ZNF503: variants seen among roughly 807,000 people sequenced by gnomAD.
The protein encoded by ZNF503 is NocA-like zinc finger 2.
In ZNF503, 15 loss-of-function variants were observed where a neutral mutation model predicts 34.4. That is an observed-to-expected ratio of 0.44 (90% confidence interval 0.29 to 0.67). The LOEUF (loss-of-function observed/expected upper bound fraction) is 0.67, where lower values mean the gene tolerates loss of function less well. Ranked by LOEUF, ZNF503 falls within the 30% of genes least tolerant of loss-of-function variation. The pLI is 0.13. For missense variants in ZNF503, 1,007 were observed against 926.8 expected (o/e 1.09, Z -1.12); for synonymous variants, 580 against 456.8 (o/e 1.27, Z -3.44).
chr10:75,369,933 G>A, the ZNF503 span, among the ~76,000 whole-genome samples: 1 of 152,060 alleles, frequency 6.6e-6, no homozygotes, highest in African/African-American at 2.4e-5. Flanking sequence ...CTTGCGTGGT[G>A]GTGTGTGCCT....
the ZNF503 span, among the ~76,000 whole-genome samples, chr10:75,390,580 C>G: frequency 6.6e-6 from 1 of 152,110 alleles, no homozygotes; most frequent in Non-Finnish European, 1.5e-5. Flanking sequence ...CTGAGGGCTT[C>G]TCCAGTAGCA....
At chr10:75,386,287 GGGGACAAAGGAGCTCCAAGAT>G in the ZNF503 span, among the ~76,000 whole-genome samples, 1 of 152,184 alleles carries the variant, frequency 6.6e-6, no homozygotes, top group Admixed American at 6.5e-5. Flanking sequence ...CAATATCCTA[GGGGACAAAGGAGCTCCAAGAT>G]GGAAAGAATC....
the ZNF503 span, among the ~76,000 whole-genome samples, chr10:75,330,444 G>C: frequency 6.6e-6 from 1 of 152,114 alleles, no homozygotes; most frequent in Non-Finnish European, 1.5e-5. Context: ...CTTCTTTACA[G>C]GTTTGGTAGA....
At chr10:75,332,236 T>C in the ZNF503 span, among the ~76,000 whole-genome samples, 10 of 152,108 alleles carry the variant, frequency 6.6e-5, no homozygotes, top group African/African-American at 2.2e-4. Context: ...ACTTTTGCTC[T>C]ATTTTCTCTC....
In ZNF503 at chr10:75,400,160, G is replaced by T; in HGVS notation, c.530C>A (p.Pro177Gln). The T allele has an allele frequency of 6.4e-7, 1 of 1,563,676 alleles. No homozygotes were observed. The highest frequency in any genetic ancestry group is 1.2e-5 in the South Asian group (1 of 85,282). The change falls in exon 2 of 2, where the codon CCG becomes CAG. Residue 177 changes from proline (P) to glutamine (Q), a missense_variant. Physicochemically the swap from Pro to Gln is moderately conservative, Grantham distance 76. Coordinates refer to ENST00000372524, the MANE Select transcript of ZNF503 (RefSeq NM_032772.6). Reference sequence around the variant, plus strand: ...CTTATCCGAGCCGGGTTTGGAGTACGGCTTGAAACTCGACTTGTCCTCCAC... The same window carrying T: ...CTTATCCGAGCCGGGTTTGGAGTACTGCTTGAAACTCGACTTGTCCTCCAC... ...IGVEDKSSFK[P>Q]YSKPGSDKKE...
chr10:75,329,408 T>TC, the ZNF503 span, among the ~76,000 whole-genome samples: 1 of 66,908 alleles, frequency 1.5e-5, no homozygotes, highest in African/African-American at 5.5e-5. Flanking sequence ...CTTCCTTCCT[T>TC]CCTTCCTTTC....
chr10:75,382,336 G>A, the ZNF503 span: 1 of 267,120 alleles, frequency 3.7e-6, no homozygotes, highest in African/African-American at 2.3e-5. Context: ...ACAACAACAA[G>A]GCTGATGGAT....
chr10:75,399,279 G>C lies in ZNF503; in HGVS notation c.1411C>G (p.Pro471Ala). 7 of 1,601,340 alleles carry C rather than the reference G, an allele frequency of 4.4e-6. No homozygotes were observed. Among genetic ancestry groups the C allele is most frequent in the African/African-American group, 1.3e-5 (1 of 74,782 alleles). ...TGCACACCGTGCAGCGGGTGCGTGG[G>C]GTACACCAGCGGGTATCCGGACTTC... ...ALKSGYPLVY[P>A]THPLHGVHSS... Residue 471 changes from proline (P) to alanine (A), a missense_variant, in exon 2 of 2, where the codon CCC becomes GCC. Physicochemically the swap from Pro to Ala is conservative, Grantham distance 27. Transcript: ENST00000372524.
chr10:75,390,477 C>T, the ZNF503 span, among the ~76,000 whole-genome samples: 2 of 151,452 alleles, frequency 1.3e-5, no homozygotes. Context: ...CCTCCTCTTC[C>T]TCCTCAGGGC....
chr10:75,400,281 C>T lies in ZNF503; in HGVS notation c.409G>A (p.Val137Ile). 6.2e-7 allele frequency: 1 copy of T among 1,613,410 alleles called. No individual in the cohort carries two copies. Among genetic ancestry groups the T allele is most frequent in the Non-Finnish European group, 8.5e-7 (1 of 1,179,818 alleles). ...DPSPSSKLSS[V>I]ASNGGGAGGA... is the part of the protein sequence containing the mutation. The stretch of plus-strand genomic sequence containing the variant: ...CCCGCGCCGCCCCCGTTGGAGGCAA[C>T]CGAGGAGAGTTTGGAGGAGGGCGAG... Residue 137 changes from valine (V) to isoleucine (I), a missense_variant, in exon 2 of 2, where the codon GTT becomes ATT. Physicochemically the swap from Val to Ile is conservative, Grantham distance 29 (BLOSUM62 3). Transcript: ENST00000372524.
At chr10:75,303,557 C>T in the ZNF503 span, among the ~76,000 whole-genome samples, 1 of 152,208 alleles carries the variant, frequency 6.6e-6, no homozygotes, top group African/African-American at 2.4e-5. Flanking sequence ...CTGTCCTGGC[C>T]CTGCTCCTGA....
the ZNF503 span, among the ~76,000 whole-genome samples, chr10:75,374,760 A>G: frequency 6.6e-6 from 1 of 152,238 alleles, no homozygotes; most frequent in African/African-American, 2.4e-5. Flanking sequence ...TACATGCACA[A>G]TATGTTTTGT....
At chr10:75,363,761 C>T in the ZNF503 span, among the ~76,000 whole-genome samples, 2 of 152,206 alleles carry the variant, frequency 1.3e-5, no homozygotes, top group Non-Finnish European at 2.9e-5. Flanking sequence ...CTAAACCTAG[C>T]TGTTTTACAT....
the ZNF503 span, among the ~76,000 whole-genome samples, chr10:75,378,847 G>A: frequency 4.6e-5 from 7 of 152,196 alleles, no homozygotes; most frequent in East Asian, 9.7e-4. Flanking sequence ...AGCAGATTTT[G>A]GGGGCAATTT....
At chr10:75,394,155 ATTCTT>A (rs1375110299), downstream of ZNF503, among the ~76,000 whole-genome samples, 6 of 152,234 alleles carry the variant, frequency 3.9e-5, no homozygotes, top group African/African-American at 9.6e-5. Context: ...CGAGGTGAAG[ATTCTT>A]TTAAGTTCAG....
the ZNF503 span, among the ~76,000 whole-genome samples, chr10:75,323,858 C>T: frequency 4.0e-5 from 6 of 151,774 alleles, no homozygotes; most frequent in East Asian, 1.9e-4. Flanking sequence ...AAAAATTAGC[C>T]GGGCATGGTG....
Position 75,399,270 on chromosome 10 carries a change from G to A in ZNF503, c.1420C>T (p.Pro474Ser), listed in dbSNP as rs1288892133. The A allele has an allele frequency of 6.3e-7, 1 of 1,598,946 alleles. No individual in the cohort carries two copies. The highest frequency in any genetic ancestry group is 8.5e-7 in the Non-Finnish European group (1 of 1,173,290). Residue 474 changes from proline to serine, a missense_variant, in exon 2 of 2, where the codon CCG (proline) becomes TCG (serine). Physicochemically the swap from Pro to Ser is moderately conservative, Grantham distance 74 (BLOSUM62 -1). Transcript: ENST00000372524. ...AGCGAGGAGTGCACACCGTGCAGCG[G>A]GTGCGTGGGGTACACCAGCGGGTAT... ...SGYPLVYPTH[P>S]LHGVHSSLTA...
chr10:75,380,653 A>G, the ZNF503 span, among the ~76,000 whole-genome samples: 1 of 152,232 alleles, frequency 6.6e-6, no homozygotes, highest in Non-Finnish European at 1.5e-5. Context: ...CAAAGAGGAT[A>G]TGAAACTGCT....
At chr10:75,300,954 T>A in the ZNF503 span, among the ~76,000 whole-genome samples, 3 of 152,100 alleles carry the variant, frequency 2.0e-5, no homozygotes, top group Non-Finnish European at 2.9e-5. Flanking sequence ...TCCACCCCCC[T>A]GGGTCTCCCA....
Sources: gnomAD v4.1 joint callset for allele counts (sites outside exome capture counted in the v4.1 genomes callset) on GRCh38, gnomAD v4.1.1 for gene constraint, MANE v1.5 for transcripts, NCBI Gene and HGNC (gene_info 2026-07-23, HGNC 2026-07-21) for gene names.